Variants in TMEM163 observed in about 807,000 individuals in gnomAD.
TMEM163 encodes transmembrane protein 163.
A neutral mutation model predicts 29.3 loss-of-function variants in TMEM163; 17 were observed. The ratio of observed to expected loss-of-function variants is 0.58; its 90% CI spans 0.40 to 0.87. TMEM163 has a LOEUF of 0.87. Among genes scored for constraint, TMEM163 ranks in the 40% least tolerant of loss-of-function variants. The pLI, the probability that TMEM163 is intolerant of heterozygous loss-of-function variation, is 0.00. For synonymous variants in TMEM163, 157 were observed against 160.6 expected (o/e 0.98, Z 0.17); for missense variants, 303 against 381.5 (o/e 0.79, Z 1.71).
At chr2:134,603,435 C>T (rs930552846) in intron 2 of TMEM163, among the ~76,000 whole-genome samples, 1 of 152,108 alleles carries the variant, frequency 6.6e-6, no homozygotes, top group South Asian at 2.1e-4. Context: ...AATCCTGATG[C>T]CCTAGTAAAG....
intron 4 of TMEM163, among the ~76,000 whole-genome samples, chr2:134,519,990 T>G (rs1182813390): frequency 1.3e-5 from 2 of 151,692 alleles, no homozygotes; most frequent in Non-Finnish European, 2.9e-5. Flanking sequence ...ATGGGCCAGA[T>G]GTAAGAAGAG....
chr2:134,636,915 C>T (rs1683117077), intron 2 of TMEM163, among the ~76,000 whole-genome samples: 1 of 152,222 alleles, frequency 6.6e-6, no homozygotes, highest in Admixed American at 6.5e-5. Flanking sequence ...ACAGCTTAAA[C>T]TCCCTATGAT....
intron 2 of TMEM163, among the ~76,000 whole-genome samples, chr2:134,617,369 C>T (rs935054171): frequency 5.3e-5 from 8 of 151,952 alleles, no homozygotes; most frequent in African/African-American, 1.7e-4. Context: ...CCAGCACTTT[C>T]GGAGGCCGAG....
chr2:134,660,021 A>G (rs1470407411), intron 2 of TMEM163, among the ~76,000 whole-genome samples: 2 of 152,146 alleles, frequency 1.3e-5, no homozygotes, highest in Non-Finnish European at 2.9e-5. Flanking sequence ...AAACAGGGTG[A>G]TTTGACCTGA....
At chr2:134,561,471 C>G (rs1176867626) in intron 2 of TMEM163, among the ~76,000 whole-genome samples, 1 of 151,804 alleles carries the variant, frequency 6.6e-6, no homozygotes, top group African/African-American at 2.4e-5. Flanking sequence ...CTCAGCCTCC[C>G]GAGTAGCTGG....
chr2:134,471,382 C>T (rs920929310), intron 5 of TMEM163, among the ~76,000 whole-genome samples: 1 of 152,202 alleles, frequency 6.6e-6, no homozygotes, highest in Non-Finnish European at 1.5e-5. Flanking sequence ...TCCCCACCAC[C>T]GACGTGCACC....
chr2:134,697,926 C>A (rs1309450630), intron 2 of TMEM163, among the ~76,000 whole-genome samples: 1 of 152,060 alleles, frequency 6.6e-6, no homozygotes, highest in African/African-American at 2.4e-5. Flanking sequence ...TAGTAGTAGT[C>A]CCAAAATGAT....
intron 2 of TMEM163, among the ~76,000 whole-genome samples, chr2:134,565,155 T>C (rs1327765410): frequency 1.3e-5 from 2 of 152,034 alleles, no homozygotes; most frequent in African/African-American, 2.4e-5. Flanking sequence ...CACGAATCGA[T>C]TGAACCCAGG....
intron 5 of TMEM163, among the ~76,000 whole-genome samples, chr2:134,489,575 CAA>C (rs34513401): frequency 2.5e-4 from 33 of 129,982 alleles, no homozygotes; most frequent in Non-Finnish European, 2.6e-4. Context: ...GACTCTCTCT[CAA>C]AAAAAAAAAA....
At chr2:134,567,420 G>A (rs545443555) in intron 2 of TMEM163, among the ~76,000 whole-genome samples, 2 of 152,274 alleles carry the variant, frequency 1.3e-5, no homozygotes, top group South Asian at 2.1e-4. Context: ...AGCTGGGCGT[G>A]GTGACTCACA....
chr2:134,633,038 G>A (rs1020384629), intron 2 of TMEM163, among the ~76,000 whole-genome samples: 5 of 151,708 alleles, frequency 3.3e-5, no homozygotes, highest in Admixed American at 6.6e-5. Flanking sequence ...GATTACAGGC[G>A]TGAGCCACTG....
intron 5 of TMEM163, 66 bp downstream of exon 5, chr2:134,502,835 G>A (rs1053091708): frequency 2.4e-5 from 35 of 1,446,236 alleles, no homozygotes; most frequent in Non-Finnish European, 3.2e-5. Flanking sequence ...GGAACCCTGC[G>A]ATAAGAGGCA....
At position 134,524,976 on chromosome 2, in the gene TMEM163, G is replaced by A. The variant is rs572982430; in HGVS notation, c.459-21979C>T. ...TTCCACAATGGTTGAACTAATCTAC[G>A]TTCCTACCAACAGTGTAATAGCGTT... On this transcript the variant is annotated intron_variant, in intron 4 of 7. Coordinates refer to ENST00000281924, the MANE Select transcript of TMEM163 (RefSeq NM_030923.5). Among the ~76,000 whole-genome samples, 8 of 134,604 alleles carry A rather than the reference G, an allele frequency of 5.9e-5. No individual in the cohort carries two copies. In the South Asian group the frequency reaches 8.4e-4, roughly 14 times the overall value. 88.3% of individuals were successfully genotyped at this position (134,604 alleles called of 152,430 possible).
intron 4 of TMEM163, among the ~76,000 whole-genome samples, chr2:134,520,853 G>A (rs1053786103): frequency 5.3e-5 from 8 of 152,166 alleles, no homozygotes; most frequent in African/African-American, 1.9e-4. Context: ...GCTGATCAGA[G>A]GCTTCTGTGA....
chr2:134,656,151 C>T (rs1254540591), intron 2 of TMEM163, among the ~76,000 whole-genome samples: 1 of 144,782 alleles, frequency 6.9e-6, no homozygotes, highest in Non-Finnish European at 1.5e-5. Flanking sequence ...CCCAGCCTCG[C>T]TGCCGCCTTG....
At chr2:134,701,525 T>C (rs1684703908) in intron 2 of TMEM163, among the ~76,000 whole-genome samples, 1 of 152,206 alleles carries the variant, frequency 6.6e-6, no homozygotes, top group Non-Finnish European at 1.5e-5. Context: ...TATTGGATTA[T>C]TGGAGGATTT....
intron 5 of TMEM163, chr2:134,468,471 AACTG>A (rs1686719123): frequency 1.3e-5 from 2 of 152,220 alleles, no homozygotes; most frequent in Admixed American, 1.3e-4. Context: ...TAACAGCTAG[AACTG>A]ACTAAGACAC....
intron 4 of TMEM163, among the ~76,000 whole-genome samples, chr2:134,532,603 G>T (rs1267167031): frequency 6.6e-6 from 1 of 152,204 alleles, no homozygotes; most frequent in African/African-American, 2.4e-5. Context: ...ATGCAGAATT[G>T]CAGGTTAATT....
At chr2:134,647,743 T>C (rs1197515329) in intron 2 of TMEM163, among the ~76,000 whole-genome samples, 1 of 152,204 alleles carries the variant, frequency 6.6e-6, no homozygotes, top group Admixed American at 6.5e-5. Flanking sequence ...GTGCTAGAGC[T>C]AGCTGGCTGC....
Sources: gnomAD v4.1 joint callset for allele counts (sites outside exome capture counted in the v4.1 genomes callset) on GRCh38, gnomAD v4.1.1 for gene constraint, MANE v1.5 for transcripts, NCBI Gene and HGNC (gene_info 2026-07-23, HGNC 2026-07-21) for gene names.